Variants in SSTR3 observed in about 807,000 individuals in gnomAD.
SSTR3 encodes somatostatin receptor 3.
For missense variants in SSTR3, 504 were observed against 604.7 expected (o/e 0.83, Z 1.75); for synonymous variants, 281 against 269.2 (o/e 1.04, Z -0.43).
upstream of SSTR3, among the ~76,000 whole-genome samples, chr22:37,216,891 C>A (rs1354640447): frequency 1.3e-5 from 2 of 152,198 alleles, no homozygotes; most frequent in African/African-American, 4.8e-5. Flanking sequence ...ACCTCTGCCT[C>A]CCAGGCCCAA....
In SSTR3 at chr22:37,207,366, T is replaced by C. The variant is rs767657164; in HGVS notation, c.438A>G (p.Val146=). ...GCCAGCGGGCCGAGCGGGTGGGATG[T>C]ACCACGGCCAGGTAGCGGTCCACGC... ...VMSVDRYLAV[V]HPTRSARWRT... The change falls in exon 2 of 2, where the codon GTA becomes GTG. Residue 146 remains valine (V), a synonymous_variant. Coordinates refer to ENST00000610913, the MANE Select transcript of SSTR3 (RefSeq NM_001051.5). The C allele has an allele frequency of 2.5e-6, 4 of 1,610,484 alleles. No homozygotes were observed.
At chr22:37,208,305 A>C (rs1401996739) in intron 1 of SSTR3, among the ~76,000 whole-genome samples, 1 of 152,248 alleles carries the variant, frequency 6.6e-6, no homozygotes, top group Non-Finnish European at 1.5e-5. Context: ...CAGAGGATCC[A>C]TGAACGCCCT....
In SSTR3 at chr22:37,207,656, C is replaced by T; in HGVS notation, c.148G>A (p.Val50Ile). The T allele has an allele frequency of 6.3e-7, 1 of 1,587,436 alleles. No homozygotes were observed. Among genetic ancestry groups the T allele is most frequent in the Non-Finnish European group, 8.6e-7 (1 of 1,163,146 alleles). Residue 50 changes from valine (V) to isoleucine (I), a missense_variant, in exon 2 of 2, where the codon GTC becomes ATC. Val to Ile is a conservative substitution (Grantham distance 29). Coordinates refer to ENST00000610913, the MANE Select transcript of SSTR3 (RefSeq NM_001051.5). The part of the protein sequence containing the change: ...LAVSGVLIPL[V>I]YLVVCVVGLL... ...CCCACCACGCACACCACCAGGTAGA[C>T]CAGGGGGATCAGAACGCCACTGACG...
Position 37,206,655 on chromosome 22 carries a change from G to T in SSTR3, c.1149C>A (p.Ser383Arg). The T allele has an allele frequency of 1.2e-6, 2 of 1,610,538 alleles. No homozygotes were observed. Among genetic ancestry groups the T allele is most frequent in the Non-Finnish European group, 1.7e-6 (2 of 1,179,974 alleles). The change falls in exon 2 of 2, where the codon AGC becomes AGA. Residue 383 changes from serine to arginine, a missense_variant. Transcript: ENST00000610913. Reference protein sequence around the residue: ...RVSQITQPGTSGQERPPSRVA... With the variant: ...RVSQITQPGTRGQERPPSRVA... ...CTCTGCTGGGCGGCCGCTCCTGCCC[G>T]CTGGTGCCAGGCTGCGTGATCTGGC...
rs1220949998 is a variant in SSTR3, at chr22:37,209,477, A to G, written c.-36-1638T>C. On this transcript the variant is annotated intron_variant, in intron 1 of 1. Coordinates refer to ENST00000610913, the MANE Select transcript of SSTR3 (RefSeq NM_001051.5). ...TGTCCTCAACCCATCCTTCTCCCCA[A>G]CCCTTCATCAGGTCTCCTGAGCCTG... Among the ~76,000 whole-genome samples, 8 of 152,104 alleles carry G rather than the reference A, an allele frequency of 5.3e-5. No individual in the cohort carries two copies. In the East Asian group the frequency reaches 1.5e-3, roughly 29 times the overall value.
At chr22:37,214,707 AGAGT>A (rs980980233), upstream of SSTR3, among the ~76,000 whole-genome samples, 2 of 152,062 alleles carry the variant, frequency 1.3e-5, 1 homozygote, top group Non-Finnish European at 2.9e-5. Context: ...CTCAGCAGAG[AGAGT>A]GAGTCCATTA....
Position 37,207,117 on chromosome 22 carries a change from G to A in SSTR3, c.687C>T (p.Ile229=), listed in dbSNP as rs748327577. 294 of 1,612,490 alleles carry A rather than the reference G, an allele frequency of 1.8e-4. No homozygotes were observed. Among genetic ancestry groups the A allele is most frequent in the Non-Finnish European group, 2.3e-4 (273 of 1,179,700 alleles). Reference sequence around the variant, plus strand: ...GCCCAGCTGAGCGCACCTTCACCACGATGAGCAGGTAGCAGAGGCAGATGA... The same window carrying A: ...GCCCAGCTGAGCGCACCTTCACCACAATGAGCAGGTAGCAGAGGCAGATGA... ...LLVICLCYLL[I]VVKVRSAGRR... is the part of the protein sequence containing the mutation. The change falls in exon 2 of 2, where the codon ATC becomes ATT. Residue 229 remains isoleucine (I), a synonymous_variant. Coordinates refer to ENST00000610913, the MANE Select transcript of SSTR3 (RefSeq NM_001051.5).
chr22:37,209,033 C>A (rs992586325), intron 1 of SSTR3, among the ~76,000 whole-genome samples: 3 of 152,162 alleles, frequency 2.0e-5, no homozygotes, highest in Non-Finnish European at 4.4e-5. Context: ...TCCTAATGAT[C>A]CCCCAATCCC....
chr22:37,206,055 C>G lies in SSTR3; in HGVS notation c.*492G>C, dbSNP rs930862585. 1 of 155,282 alleles carries G rather than the reference C, an allele frequency of 6.4e-6. No individual in the cohort carries two copies. 9.6% of individuals were successfully genotyped at this position (155,282 alleles called of 1,614,324 possible). A position where few individuals can be genotyped will look rare whatever the true frequency, so the allele number is the denominator to read the frequency against. Reference sequence around the variant, plus strand: ...TCACAGTCGAGGGGAGGGAGCTGATCTGGGGCCTGACCATTTCTGCCCCAC... The same window carrying G: ...TCACAGTCGAGGGGAGGGAGCTGATGTGGGGCCTGACCATTTCTGCCCCAC... On this transcript the variant is annotated 3_prime_UTR_variant, in exon 2 of 2. Transcript: ENST00000610913.
In SSTR3 at chr22:37,206,517, C is replaced by T. The variant is rs558797258; in HGVS notation, c.*30G>A. 1.3e-5 allele frequency: 20 copies of T among 1,570,450 alleles called. No individual in the cohort carries two copies. The South Asian group carries it at 2.3e-4, about 18-fold the overall frequency. Reference sequence around the variant, plus strand: ...GGCACACCCACGGCTTCTGCCTCTTCCTCGGGCCATCCTGGCTTTCCCCAG... The same window carrying T: ...GGCACACCCACGGCTTCTGCCTCTTTCTCGGGCCATCCTGGCTTTCCCCAG... On this transcript the variant is annotated 3_prime_UTR_variant, in exon 2 of 2. Coordinates refer to ENST00000610913, the MANE Select transcript of SSTR3 (RefSeq NM_001051.5).
At chr22:37,211,730 C>T in intron 1 of SSTR3, 95 bp downstream of exon 1, 1 of 984,794 alleles carries the variant, frequency 1.0e-6, no homozygotes, top group Non-Finnish European at 1.2e-6. Context: ...CACCCTCTGC[C>T]TCCCCAGCCC....
chr22:37,216,312 A>G (rs1349159557), upstream of SSTR3, among the ~76,000 whole-genome samples: 1 of 151,638 alleles, frequency 6.6e-6, no homozygotes, highest in Non-Finnish European at 1.5e-5. Context: ...TTTACCCATT[A>G]TCTACTGACT....
intron 1 of SSTR3, among the ~76,000 whole-genome samples, chr22:37,211,533 G>A (rs897871071): frequency 6.6e-6 from 1 of 152,216 alleles, no homozygotes; most frequent in Non-Finnish European, 1.5e-5. Context: ...GAGCTCAGGA[G>A]AGCTGCCACG....
chr22:37,206,318 T>TC lies in SSTR3; in HGVS notation c.*228_*229insG. Reference sequence around the variant, plus strand: ...TGCCCTCCAAACCTCTCATCTGACATAGCTCATCCAGGCTGATGACTCCTA... The same window carrying TC: ...TGCCCTCCAAACCTCTCATCTGACATCAGCTCATCCAGGCTGATGACTCCTA... On this transcript the variant is annotated 3_prime_UTR_variant, in exon 2 of 2. Coordinates refer to ENST00000610913, the MANE Select transcript of SSTR3 (RefSeq NM_001051.5). The TC allele has an allele frequency of 1.6e-6, 1 of 619,790 alleles. No homozygotes were observed. The highest frequency in any genetic ancestry group is 2.6e-6 in the Non-Finnish European group (1 of 381,940). 38.4% of individuals were successfully genotyped at this position (619,790 alleles called of 1,614,324 possible). A position where few individuals can be genotyped will look rare whatever the true frequency, so the allele number is the denominator to read the frequency against.
At chr22:37,216,047 G>A (rs189947287), upstream of SSTR3, among the ~76,000 whole-genome samples, 212 of 152,244 alleles carry the variant, frequency 1.4e-3, no homozygotes, top group African/African-American at 5.0e-3. Flanking sequence ...TTATATGATG[G>A]TGACCTCTCT....
upstream of SSTR3, among the ~76,000 whole-genome samples, chr22:37,214,863 TCTC>T (rs908608489): frequency 1.3e-5 from 2 of 152,192 alleles, no homozygotes; most frequent in African/African-American, 4.8e-5. Flanking sequence ...TCGGCCCTCT[TCTC>T]GTTCTAAAGC....
chr22:37,207,947 G>A (rs553783819), intron 1 of SSTR3, 108 bp from the exon 2 acceptor site: 22 of 1,345,304 alleles, frequency 1.6e-5, no homozygotes, highest in South Asian at 2.1e-5. Context: ...TCCTCCCATC[G>A]TCTGAGAGAT....
Position 37,206,495 on chromosome 22 carries a change from A to T in SSTR3, c.*52T>A. On this transcript the variant is annotated 3_prime_UTR_variant, in exon 2 of 2. Transcript: ENST00000610913. Reference sequence around the variant, plus strand: ...GCACCTTGGGAAGTAGGCCCTAGGCACACCCACGGCTTCTGCCTCTTCCTC... The same window carrying T: ...GCACCTTGGGAAGTAGGCCCTAGGCTCACCCACGGCTTCTGCCTCTTCCTC... 1.3e-6 allele frequency: 2 copies of T among 1,542,146 alleles called. No individual in the cohort carries two copies. The highest frequency in any genetic ancestry group is 1.2e-5 in the South Asian group (1 of 80,730).
Position 37,212,157 on chromosome 22 carries a change from A to G in SSTR3, c.-369T>C, listed in dbSNP as rs1414939422. On this transcript the variant is annotated 5_prime_UTR_variant, in exon 1 of 2. Coordinates refer to ENST00000610913, the MANE Select transcript of SSTR3 (RefSeq NM_001051.5). ...GAGGAAGAGAAGAGGGGAGCAAGGG[A>G]CACAGAAGCCAATAGAAATAGAGGG... The G allele has an allele frequency of 1.0e-6, 1 of 984,824 alleles. No homozygotes were observed. Among genetic ancestry groups the G allele is most frequent in the Admixed American group, 6.2e-5 (1 of 16,198 alleles). 61.0% of individuals were successfully genotyped at this position (984,824 alleles called of 1,614,324 possible).
Sources: gnomAD v4.1 joint callset for allele counts (sites outside exome capture counted in the v4.1 genomes callset) on GRCh38, gnomAD v4.1.1 for gene constraint, MANE v1.5 for transcripts, NCBI Gene and HGNC (gene_info 2026-07-23, HGNC 2026-07-21) for gene names.